The following SPSB1 variants were observed in gnomAD, a reference collection of about 807,000 sequenced individuals.
SPSB1 encodes SPRY domain-containing SOCS box protein 1.
Under a neutral mutation model 21.2 loss-of-function variants are expected in SPSB1, and 8 were observed. That is an observed-to-expected ratio of 0.38 (90% CI 0.22 to 0.68). SPSB1 has a LOEUF of 0.68. SPSB1 is among the 30% of genes least tolerant of loss of function. SPSB1 has a pLI of 0.53. For synonymous variants in SPSB1, 169 were observed against 161.7 expected, an observed-to-expected ratio of 1.05 and a Z score of -0.34; for missense variants, 242 against 377.8, an observed-to-expected ratio of 0.64 and a Z score of 2.98.
intron 1 of SPSB1, among the ~76,000 whole-genome samples, chr1:9,341,203 C>G (rs1326530718): frequency 1.3e-5 from 2 of 152,220 alleles, no homozygotes; most frequent in African/African-American, 4.8e-5. Context: ...GGTCCTGGCC[C>G]CCCGGCCTCA....
At chr1:9,322,565 C>T (rs572786762) in intron 1 of SPSB1, among the ~76,000 whole-genome samples, 18 of 152,198 alleles carry the variant, frequency 1.2e-4, no homozygotes, top group African/African-American at 4.1e-4. Context: ...GCTCAGGGTT[C>T]GTAGCTGATG....
chr1:9,333,023 C>G (rs1294022), intron 1 of SPSB1, among the ~76,000 whole-genome samples: 40,834 of 152,134 alleles, frequency 0.27, 7,772 homozygotes, highest in African/African-American at 0.55. Flanking sequence ...AGCAAGTGCT[C>G]ACTGAGCTTC....
At chr1:9,366,148 T>G (rs1211822297) in intron 2 of SPSB1, among the ~76,000 whole-genome samples, 1 of 152,238 alleles carries the variant, frequency 6.6e-6, no homozygotes, top group Non-Finnish European at 1.5e-5. Context: ...AGGCTGCAGC[T>G]GGAAGCGCTC....
intron 1 of SPSB1, among the ~76,000 whole-genome samples, chr1:9,322,551 G>A (rs1639737633): frequency 6.6e-6 from 1 of 152,196 alleles, no homozygotes; most frequent in African/African-American, 2.4e-5. Flanking sequence ...CAATCATGAT[G>A]AGGGCTCAGG....
At chr1:9,331,321 GTTTTTTTT>G (rs34199175) in intron 1 of SPSB1, among the ~76,000 whole-genome samples, 8 of 53,702 alleles carry the variant, frequency 1.5e-4, no homozygotes, top group East Asian at 5.7e-4. Context: ...TGGTGCTCTT[GTTTTTTTT>G]TTTTTTTTTT....
chr1:9,353,474 T>A (rs1640304986), intron 1 of SPSB1, among the ~76,000 whole-genome samples: 1 of 152,134 alleles, frequency 6.6e-6, no homozygotes, highest in Non-Finnish European at 1.5e-5. Flanking sequence ...AGATCATGGA[T>A]GTGAGGTCAC....
chr1:9,355,691 C>A (rs973527781), intron 1 of SPSB1, 52 bp from the exon 2 acceptor site: 4 of 1,292,090 alleles, frequency 3.1e-6, no homozygotes, highest in Non-Finnish European at 3.9e-6. Flanking sequence ...GGTTAACTTT[C>A]CCCTTCATCC....
At chr1:9,338,266 G>A (rs1640036265) in intron 1 of SPSB1, among the ~76,000 whole-genome samples, 1 of 152,160 alleles carries the variant, frequency 6.6e-6, no homozygotes, top group Non-Finnish European at 1.5e-5. Context: ...CCCTGGCCGT[G>A]GGCTCCCCAG....
In SPSB1 at chr1:9,367,246, C is replaced by T. The variant is rs1015030665; in HGVS notation, c.695-202C>T. ...ATTAAATGAGTGTTAGCAGAGGGCT[C>T]GCCCAGGTGCCCAGCCCAGGGTGGG... On this transcript the variant is annotated intron_variant, in intron 2 of 2. Coordinates refer to ENST00000328089, the MANE Select transcript of SPSB1 (RefSeq NM_025106.4). This position sits in a 1 kb window ranked among gnomAD's most constrained non-coding sequence, Gnocchi z 5.9. Among the ~76,000 whole-genome samples, 2 of 152,226 alleles carry T rather than the reference C, an allele frequency of 1.3e-5. No homozygotes were observed. Among genetic ancestry groups the T allele is most frequent in the Non-Finnish European group, 1.5e-5 (1 of 68,036 alleles).
intron 1 of SPSB1, among the ~76,000 whole-genome samples, chr1:9,326,697 G>A (rs571555500): frequency 6.6e-6 from 1 of 152,326 alleles, no homozygotes; most frequent in South Asian, 2.1e-4. Context: ...GCTGCTTCCA[G>A]AGAAAAACAG....
At chr1:9,344,922 A>G (rs1640147526) in intron 1 of SPSB1, among the ~76,000 whole-genome samples, 2 of 152,166 alleles carry the variant, frequency 1.3e-5, no homozygotes, top group Admixed American at 6.5e-5. Flanking sequence ...CAGCTGGCAC[A>G]TCCCATGGAG....
intron 1 of SPSB1, chr1:9,351,485 C>T (rs184697672): frequency 1.3e-5 from 2 of 152,176 alleles, no homozygotes; most frequent in Admixed American, 6.5e-5. Context: ...GACAGACAAA[C>T]GAGCAGAAGC....
chr1:9,342,490 T>C (rs189831906), intron 1 of SPSB1, among the ~76,000 whole-genome samples: 34 of 152,170 alleles, frequency 2.2e-4, no homozygotes, highest in African/African-American at 8.0e-4. Context: ...AGGTAGGGCC[T>C]TTGCCAGTTT....
At chr1:9,329,704 CAAAAA>C (rs370850231) in intron 1 of SPSB1, among the ~76,000 whole-genome samples, 1 of 87,056 alleles carries the variant, frequency 1.1e-5, no homozygotes, top group African/African-American at 3.1e-5. Flanking sequence ...AAAACAACAA[CAAAAA>C]AAAAAAAAAA....
At chr1:9,301,322 G>A (rs898087864) in intron 1 of SPSB1, among the ~76,000 whole-genome samples, 3 of 151,908 alleles carry the variant, frequency 2.0e-5, no homozygotes, top group Admixed American at 6.6e-5. Context: ...GAGACTCCCC[G>A]CCCCCGCCAT....
At chr1:9,339,022 T>C (rs998652227) in intron 1 of SPSB1, among the ~76,000 whole-genome samples, 1 of 152,142 alleles carries the variant, frequency 6.6e-6, no homozygotes, top group Non-Finnish European at 1.5e-5. Context: ...TTGTTTTGCC[T>C]TCTGGTTCTC....
At chr1:9,302,430 A>G (rs545957643) in intron 1 of SPSB1, among the ~76,000 whole-genome samples, 4 of 152,278 alleles carry the variant, frequency 2.6e-5, no homozygotes, top group Admixed American at 2.0e-4. Context: ...GACACTGGCA[A>G]TTGAGTCACT....
chr1:9,355,259 G>A (rs905680435), intron 1 of SPSB1, among the ~76,000 whole-genome samples: 1 of 152,242 alleles, frequency 6.6e-6, no homozygotes, highest in East Asian at 1.9e-4. Context: ...CAGAGACAGG[G>A]AGGAGGAGCT....
At chr1:9,310,462 G>A (rs188413447) in intron 1 of SPSB1, among the ~76,000 whole-genome samples, 2 of 152,284 alleles carry the variant, frequency 1.3e-5, no homozygotes, top group Admixed American at 1.3e-4. Flanking sequence ...GGAGGCCGAG[G>A]CAGGCAGATC....
Sources: gnomAD v4.1 joint callset for allele counts (sites outside exome capture counted in the v4.1 genomes callset) on GRCh38, gnomAD v4.1.1 for gene constraint, Gnocchi (gnomAD v3.1) non-coding constraint, MANE v1.5 for transcripts, NCBI Gene and HGNC (gene_info 2026-07-23, HGNC 2026-07-21) for gene names.